The following C1QTNF3 variants were observed in gnomAD, a reference collection of about 807,000 sequenced individuals.
The protein encoded by C1QTNF3 is complement C1q tumor necrosis factor-related protein 3.
A neutral mutation model predicts 32.6 loss-of-function variants in C1QTNF3; 26 were observed. That is an observed-to-expected ratio of 0.80 (90% confidence interval 0.58 to 1.11). The LOEUF (loss-of-function observed/expected upper bound fraction) is 1.11. C1QTNF3 is among the 50% of genes least tolerant of loss of function. The probability of loss-of-function intolerance (pLI) is 0.00; values close to 1 mark genes in which losing one functional copy is unlikely to be tolerated. For synonymous variants in C1QTNF3, 155 were observed against 146.0 expected (o/e 1.06, Z -0.44); for missense variants, 362 against 398.2 (o/e 0.91, Z 0.77).
the C1QTNF3 span, among the ~76,000 whole-genome samples, chr5:34,222,709 T>C: frequency 6.6e-6 from 1 of 151,986 alleles, no homozygotes; most frequent in Non-Finnish European, 1.5e-5. Context: ...TCAAAAAAAC[T>C]ACGAATTTAA....
chr5:34,214,882 C>G, the C1QTNF3 span, among the ~76,000 whole-genome samples: 49,478 of 151,958 alleles, frequency 0.33, 8,295 homozygotes, highest in East Asian at 0.53. Context: ...TCCTGGCAGG[C>G]AAATTGTTGC....
chr5:34,072,429 A>G, the C1QTNF3 span, among the ~76,000 whole-genome samples: 1 of 145,916 alleles, frequency 6.9e-6, no homozygotes, highest in African/African-American at 2.5e-5. Flanking sequence ...AAGAACAGAA[A>G]TGTACTCAGC....
At chr5:34,023,763 G>A (rs909817463) in intron 5 of C1QTNF3, 146 bp downstream of exon 5, 9 of 532,364 alleles carry the variant, frequency 1.7e-5, no homozygotes, top group African/African-American at 1.5e-4. Context: ...TGATGATAAT[G>A]TGGCCATACT....
the C1QTNF3 span, among the ~76,000 whole-genome samples, chr5:34,177,233 G>A: frequency 6.6e-6 from 1 of 152,094 alleles, no homozygotes; most frequent in Admixed American, 6.6e-5. Context: ...AGTTAACCTA[G>A]TCATATATCA....
the C1QTNF3 span, among the ~76,000 whole-genome samples, chr5:34,170,936 C>T: frequency 6.6e-6 from 1 of 152,096 alleles, no homozygotes; most frequent in African/African-American, 2.4e-5. Context: ...CTCCAACTAT[C>T]CCAGAGATTG....
chr5:34,055,407 T>C, the C1QTNF3 span, among the ~76,000 whole-genome samples: 6 of 152,174 alleles, frequency 3.9e-5, no homozygotes. Context: ...ATGAAAAGTA[T>C]ATAGATACTG....
At chr5:34,037,095 C>T (rs1436088045) in intron 1 of C1QTNF3, among the ~76,000 whole-genome samples, 1 of 152,046 alleles carries the variant, frequency 6.6e-6, no homozygotes, top group Non-Finnish European at 1.5e-5. Context: ...GTATGTTTAC[C>T]GTCAAAGAGC....
chr5:34,063,403 A>C, the C1QTNF3 span, among the ~76,000 whole-genome samples: 109 of 150,228 alleles, frequency 7.3e-4, no homozygotes, highest in African/African-American at 2.6e-3. Context: ...CGACTTACTC[A>C]ATTTGCTTTC....
At chr5:34,032,897 T>C (rs114230726) in intron 3 of C1QTNF3, among the ~76,000 whole-genome samples, 1,806 of 152,336 alleles carry the variant, frequency 0.012, 30 homozygotes, top group African/African-American at 0.032. Context: ...ACAATGTTAA[T>C]AAATACAATA....
chr5:34,075,643 T>C, the C1QTNF3 span, among the ~76,000 whole-genome samples: 109 of 151,368 alleles, frequency 7.2e-4, 2 homozygotes, highest in African/African-American at 2.6e-3. Context: ...TGGTAGGAAA[T>C]TAAAAGGGTG....
chr5:34,115,977 G>T, the C1QTNF3 span, among the ~76,000 whole-genome samples: 2 of 151,828 alleles, frequency 1.3e-5, no homozygotes, highest in Non-Finnish European at 1.5e-5. Flanking sequence ...TACTTATTTT[G>T]GATACTGTTC....
chr5:34,057,563 T>C, the C1QTNF3 span, among the ~76,000 whole-genome samples: 9 of 152,370 alleles, frequency 5.9e-5, no homozygotes, highest in East Asian at 1.7e-3. Flanking sequence ...CAGTTTGTTC[T>C]CTACAATTCT....
At chr5:34,078,251 C>A in the C1QTNF3 span, among the ~76,000 whole-genome samples, 2 of 151,626 alleles carry the variant, frequency 1.3e-5, 1 homozygote, top group African/African-American at 4.9e-5. The surrounding 1 kb of genome is among the most constrained non-coding windows in gnomAD (Gnocchi z 4.0). Flanking sequence ...AAGGCCCAGT[C>A]GTTCCCCTGT....
chr5:34,114,748 G>A, the C1QTNF3 span, among the ~76,000 whole-genome samples: 1 of 152,036 alleles, frequency 6.6e-6, no homozygotes, highest in East Asian at 1.9e-4. Flanking sequence ...ATAAATTTCT[G>A]CACTTTGTGA....
chr5:34,204,290 T>C, the C1QTNF3 span, among the ~76,000 whole-genome samples: 3 of 152,310 alleles, frequency 2.0e-5, no homozygotes, highest in East Asian at 1.9e-4. Flanking sequence ...CAGATAATTA[T>C]ATGAAAAAGG....
At chr5:34,128,726 G>T in the C1QTNF3 span, among the ~76,000 whole-genome samples, 8 of 152,150 alleles carry the variant, frequency 5.3e-5, no homozygotes, top group Non-Finnish European at 1.0e-4. Context: ...CTCCCTTTTG[G>T]AACAGGAGTT....
At chr5:34,128,353 G>A in the C1QTNF3 span, among the ~76,000 whole-genome samples, 3 of 152,226 alleles carry the variant, frequency 2.0e-5, no homozygotes, top group African/African-American at 7.2e-5. Flanking sequence ...GTGCACAGGA[G>A]AAATGTGGGG....
At chr5:34,075,422 C>A in the C1QTNF3 span, among the ~76,000 whole-genome samples, 1 of 151,428 alleles carries the variant, frequency 6.6e-6, no homozygotes, top group Non-Finnish European at 1.5e-5. Flanking sequence ...ATATTTGAGT[C>A]TAGTAGAACT....
At chr5:34,091,822 T>A in the C1QTNF3 span, among the ~76,000 whole-genome samples, 1 of 151,878 alleles carries the variant, frequency 6.6e-6, no homozygotes, top group African/African-American at 2.4e-5. Context: ...AATATTTAAA[T>A]AGGATTCTAT....
Sources: allele counts gnomAD v4.1 joint callset (sites outside exome capture counted in the v4.1 genomes callset), GRCh38; gene constraint gnomAD v4.1.1; non-coding constraint Gnocchi (gnomAD v3.1); transcripts MANE v1.5; gene names NCBI Gene and HGNC (gene_info 2026-07-23, HGNC 2026-07-21).